The following MMP24 variants were observed in gnomAD, a reference collection of about 807,000 sequenced individuals.
MMP24 encodes the protein matrix metalloproteinase-24.
MMP24 carries 25 observed loss-of-function variants against 62.8 expected under a neutral mutation model. The ratio of observed to expected loss-of-function variants is 0.40; its 90% CI spans 0.29 to 0.56. The LOEUF is 0.56. MMP24 is among the 20% of genes least tolerant of loss of function. The pLI is 0.50. For missense variants in MMP24, 634 were observed against 853.6 expected (o/e 0.74, Z 3.21); for synonymous variants, 319 against 350.5 (o/e 0.91, Z 1.00).
At chr20:35,236,435 C>T (rs2060463585) in intron 1 of MMP24, among the ~76,000 whole-genome samples, 2 of 152,074 alleles carry the variant, frequency 1.3e-5, no homozygotes, top group African/African-American at 4.8e-5. Context: ...TTTCTAGATA[C>T]CTGAATGATT....
chr20:35,263,800 T>C lies in MMP24; in HGVS notation c.827T>C (p.Leu276Pro). The change falls in exon 5 of 9, where the codon CTC becomes CCC. Residue 276 changes from leucine (L) to proline (P), a missense_variant. Around this residue, in one of 3 missense-constraint regions of MMP24, gnomAD observed 399 missense variants for 530.8 expected, o/e 0.75. Transcript: ENST00000246186. ...LGNANHDGNDLFLVAVHELGH... is the reference protein window; with the variant it reads ...LGNANHDGNDPFLVAVHELGH... ...ACACTCCTCTCCACAGGGAACGACC[T>C]CTTCCTGGTGGCTGTGCATGAGCTG... The C allele has an allele frequency of 6.3e-7, 1 of 1,575,402 alleles. No homozygotes were observed. The highest frequency in any genetic ancestry group is 8.6e-7 in the Non-Finnish European group (1 of 1,160,948).
chr20:35,227,614 C>G (rs1933585955), intron 1 of MMP24, among the ~76,000 whole-genome samples: 1 of 152,056 alleles, frequency 6.6e-6, no homozygotes, highest in Middle Eastern at 3.4e-3. Context: ...CTGGCATGTG[C>G]AAGTAAAAGC....
Position 35,274,738 on chromosome 20 carries a change from G to C in MMP24, c.*129G>C. On this transcript the variant is annotated 3_prime_UTR_variant, in exon 9 of 9. Transcript: ENST00000246186. This position sits in a 1 kb window ranked among gnomAD's most constrained non-coding sequence, Gnocchi z 5.1. ...CCTAGGCTGGGGTCGTACAGCTGAA[G>C]TGGTGGGTGCATTGGCCTAGGCTGA... is the stretch of plus-strand genomic sequence containing the variant. The C allele has an allele frequency of 1.2e-6, 1 of 824,136 alleles. No homozygotes were observed. The highest frequency in any genetic ancestry group is 3.7e-4 in the Middle Eastern group (1 of 2,732). 51.1% of individuals were successfully genotyped at this position (824,136 alleles called of 1,614,324 possible). A position where few individuals can be genotyped will look rare whatever the true frequency, so the allele number is the denominator to read the frequency against.
chr20:35,235,167 G>A (rs770137349), intron 1 of MMP24, among the ~76,000 whole-genome samples: 1 of 152,200 alleles, frequency 6.6e-6, no homozygotes, highest in Admixed American at 6.5e-5. Context: ...ACTTTGGGAG[G>A]CCAAGCTGGG....
At chr20:35,273,000 G>T (rs1386405066) in intron 8 of MMP24, among the ~76,000 whole-genome samples, 1 of 152,174 alleles carries the variant, frequency 6.6e-6, no homozygotes, top group Non-Finnish European at 1.5e-5. Flanking sequence ...TATGTGGATT[G>T]ACAGGATTCA....
intron 4 of MMP24, among the ~76,000 whole-genome samples, chr20:35,259,810 C>G (rs1382606333): frequency 6.6e-6 from 1 of 152,132 alleles, no homozygotes; most frequent in Non-Finnish European, 1.5e-5. Context: ...CACACCCTAT[C>G]AGGGGTGCTG....
chr20:35,262,347 A>G (rs867713452), intron 4 of MMP24, among the ~76,000 whole-genome samples: 158 of 152,210 alleles, frequency 1.0e-3, no homozygotes, highest in African/African-American at 3.5e-3. Flanking sequence ...CAGGGTCACA[A>G]GACAATTGTG....
intron 4 of MMP24, 38 bp from the exon 5 acceptor site, chr20:35,263,753 C>A (rs1397285726): frequency 6.9e-7 from 1 of 1,456,284 alleles, no homozygotes; most frequent in Admixed American, 2.6e-5. Context: ...CATATCTAAG[C>A]AGGTGCCCTG....
chr20:35,258,504 G>A (rs2146224549), intron 4 of MMP24, among the ~76,000 whole-genome samples: 1 of 152,246 alleles, frequency 6.6e-6, no homozygotes, highest in South Asian at 2.1e-4. Context: ...TGAAGAAACT[G>A]GGTCAGGTGT....
intron 7 of MMP24, 134 bp downstream of exon 7, chr20:35,270,032 C>T: frequency 8.7e-7 from 1 of 1,152,048 alleles, no homozygotes; most frequent in Non-Finnish European, 1.2e-6. Context: ...GAGACACTGA[C>T]CTCTGACAAA....
At position 35,269,209 on chromosome 20, in the gene MMP24, G is replaced by T. The variant is rs2060653980; in HGVS notation, c.1195-551G>T. Among the ~76,000 whole-genome samples the T allele has an allele frequency of 6.6e-6, 1 of 152,150 alleles. No individual in the cohort carries two copies. Among genetic ancestry groups the T allele is most frequent in the African/African-American group, 2.4e-5 (1 of 41,440 alleles). On this transcript the variant is annotated intron_variant, in intron 6 of 8. Transcript: ENST00000246186. The surrounding 1 kb of genome is among the most constrained non-coding windows in gnomAD (Gnocchi z 4.6). Reference sequence around the variant, plus strand: ...CGTACTGGTCTGGGCATTTTGCCTAGAATCTCTCATCTGATTCTCCATTAT... The same window carrying T: ...CGTACTGGTCTGGGCATTTTGCCTATAATCTCTCATCTGATTCTCCATTAT...
intron 6 of MMP24, 140 bp downstream of exon 6, chr20:35,267,559 C>G: frequency 1.2e-6 from 1 of 857,062 alleles, no homozygotes; most frequent in Non-Finnish European, 1.8e-6. Context: ...GTGGCCAGGG[C>G]ATGGGGTCTC....
chr20:35,253,654 G>T (rs547373923), intron 3 of MMP24, among the ~76,000 whole-genome samples: 1 of 152,178 alleles, frequency 6.6e-6, no homozygotes, highest in East Asian at 1.9e-4. Flanking sequence ...ACACAGCGAC[G>T]CTAAACAGCT....
chr20:35,246,718 C>A, intron 1 of MMP24, 122 bp from the exon 2 acceptor site: 2 of 1,158,546 alleles, frequency 1.7e-6, no homozygotes, highest in Non-Finnish European at 1.2e-6. Context: ...AAAAAGAACT[C>A]AGAGCATGAG....
rs188549759 is a variant in MMP24, at chr20:35,228,715, T to C, written c.246+1731T>C. Among the ~76,000 whole-genome samples, 4 of 152,326 alleles carry C rather than the reference T, an allele frequency of 2.6e-5. No individual in the cohort carries two copies. The East Asian group carries it at 7.7e-4, about 29-fold the overall frequency. On this transcript the variant is annotated intron_variant, in intron 1 of 8. Transcript: ENST00000246186. ...GGAAGCTAGTCCTTACCTGTATCAG[T>C]TTTATAGGCTTTGATTATTCCACCT...
intron 8 of MMP24, chr20:35,272,129 G>A (rs918450436): frequency 7.3e-5 from 34 of 468,334 alleles, no homozygotes; most frequent in Admixed American, 1.1e-4. Flanking sequence ...CTCCAGGGAC[G>A]CCTTGAGTTA....
At position 35,246,956 on chromosome 20, in the gene MMP24, G is replaced by A. The variant is rs1307280353; in HGVS notation, c.363G>A (p.Pro121=). The A allele has an allele frequency of 3.1e-6, 5 of 1,613,930 alleles. No homozygotes were observed. The highest frequency in any genetic ancestry group is 1.6e-4 in the Middle Eastern group (1 of 6,084). ...VSTMQQFYGI[P]VTGVLDQTTI... ...CTATGCAGCAGTTTTACGGGATCCC[G>A]GTCACCGGTGTGTTGGATCAGACAA... The change falls in exon 2 of 9, where the codon CCG becomes CCA. Residue 121 remains proline, a synonymous_variant. Transcript: ENST00000246186.
chr20:35,249,785 G>A (rs2060535142), intron 2 of MMP24, among the ~76,000 whole-genome samples: 1 of 150,960 alleles, frequency 6.6e-6, no homozygotes, highest in Non-Finnish European at 1.5e-5. Context: ...AGTACAGACG[G>A]GGTTTCACCA....
chr20:35,228,443 G>A (rs1220724350), intron 1 of MMP24, among the ~76,000 whole-genome samples: 1 of 152,124 alleles, frequency 6.6e-6, no homozygotes, highest in Non-Finnish European at 1.5e-5. Context: ...CATTTCCTAA[G>A]TTTATACCCT....
Sources: allele counts gnomAD v4.1 joint callset (sites outside exome capture counted in the v4.1 genomes callset), GRCh38; gene constraint gnomAD v4.1.1; regional missense constraint gnomAD v4.1.1; non-coding constraint Gnocchi (gnomAD v3.1); transcripts MANE v1.5; gene names NCBI Gene and HGNC (gene_info 2026-07-23, HGNC 2026-07-21).